The following STIMATE variants were observed in gnomAD, a reference collection of about 807,000 sequenced individuals.
STIMATE encodes store-operated calcium entry regulator STIMATE.
Under a neutral mutation model 36.7 loss-of-function variants are expected in STIMATE, and 15 were observed. The observed-to-expected ratio is 0.41, with a 90% confidence interval of 0.27 to 0.63. STIMATE has a LOEUF of 0.63. STIMATE is among the 20% of genes least tolerant of loss of function. The probability of loss-of-function intolerance (pLI) is 0.32; values close to 1 mark genes in which losing one functional copy is unlikely to be tolerated. For synonymous variants in STIMATE, 163 were observed against 162.3 expected, an observed-to-expected ratio of 1.00 and a Z score of -0.03; for missense variants, 305 against 397.3, an observed-to-expected ratio of 0.77 and a Z score of 1.98.
chr3:52,852,187 A>G (rs115009782), intron 3 of STIMATE, among the ~76,000 whole-genome samples: 1,961 of 152,336 alleles, frequency 0.013, 46 homozygotes, highest in African/African-American at 0.045. Flanking sequence ...GAAGAGGTCA[A>G]TGAGGGTCAA....
intron 1 of STIMATE, among the ~76,000 whole-genome samples, chr3:52,867,497 C>A (rs1221429966): frequency 2.6e-5 from 4 of 152,202 alleles, no homozygotes; most frequent in Admixed American, 2.6e-4. Flanking sequence ...TCTTGTTCAT[C>A]CCTGGGGAAA....
Position 52,840,462 on chromosome 3 carries a change from G to C in STIMATE, c.*32C>G, listed in dbSNP as rs1024455443. ...ACCTCTGCACACCAGCGGCTGGCGG[G>C]GCCCTCCCGTCACCCCCAGCATGGG... On this transcript the variant is annotated 3_prime_UTR_variant, in exon 8 of 8. Transcript: ENST00000355083. 2 of 1,609,500 alleles carry C rather than the reference G, an allele frequency of 1.2e-6. No individual in the cohort carries two copies. Among genetic ancestry groups the C allele is most frequent in the African/African-American group, 1.3e-5 (1 of 74,846 alleles).
At chr3:52,868,227 C>A (rs1353885414) in intron 1 of STIMATE, among the ~76,000 whole-genome samples, 1 of 152,196 alleles carries the variant, frequency 6.6e-6, no homozygotes, top group Non-Finnish European at 1.5e-5. Context: ...GGCTGCTTCC[C>A]AAATCCATTC....
intron 3 of STIMATE, 23 bp downstream of exon 3, chr3:52,852,580 G>A: frequency 6.2e-7 from 1 of 1,612,054 alleles, no homozygotes; most frequent in Non-Finnish European, 8.5e-7. Flanking sequence ...GCTGATGTTT[G>A]CACTCAAATA....
chr3:52,876,515 T>C (rs2106711492), intron 1 of STIMATE, among the ~76,000 whole-genome samples: 2 of 152,236 alleles, frequency 1.3e-5, no homozygotes, highest in South Asian at 4.1e-4. Flanking sequence ...TATACACGGA[T>C]TTTCTCCCAT....
At chr3:52,843,098 G>A (rs1202581145) in intron 6 of STIMATE, 138 bp from the exon 7 acceptor site, 3 of 1,410,528 alleles carry the variant, frequency 2.1e-6, no homozygotes, top group Non-Finnish European at 2.8e-6. Flanking sequence ...CAATCACCCT[G>A]CTCTCTCCCA....
intron 3 of STIMATE, among the ~76,000 whole-genome samples, chr3:52,850,332 T>C (rs1161725300): frequency 1.3e-5 from 2 of 152,066 alleles, no homozygotes; most frequent in Admixed American, 1.3e-4. Flanking sequence ...CTCGGGGGGC[T>C]GAGGCAGGGG....
chr3:52,857,578 ATGTCCT>A (rs1274986002), intron 1 of STIMATE, among the ~76,000 whole-genome samples: 1 of 152,160 alleles, frequency 6.6e-6, no homozygotes, highest in Non-Finnish European at 1.5e-5. Context: ...CTTGAGGGGC[ATGTCCT>A]TGTTCCTAGG....
In STIMATE at chr3:52,836,857, A is replaced by G; in HGVS notation, c.*3637T>C. 3.8e-6 allele frequency: 1 copy of G among 262,280 alleles called. No individual in the cohort carries two copies. Among genetic ancestry groups the G allele is most frequent in the Non-Finnish European group, 7.8e-6 (1 of 127,618 alleles). The allele number at this position is 262,280 out of a possible 1,614,324, so 16.2% of individuals were successfully genotyped here. A position where few individuals can be genotyped will look rare whatever the true frequency, so the allele number is the denominator to read the frequency against. On this transcript the variant is annotated 3_prime_UTR_variant, in exon 8 of 8. Coordinates refer to ENST00000355083, the MANE Select transcript of STIMATE (RefSeq NM_198563.5). The stretch of plus-strand genomic sequence containing the variant: ...CCATGAATCCTACCACCACCGATTA[A>G]GCACCCCCACTGGATGGCTGCTGAA...
intron 1 of STIMATE, among the ~76,000 whole-genome samples, chr3:52,883,089 G>A (rs1238488800): frequency 6.6e-6 from 1 of 152,192 alleles, no homozygotes; most frequent in Non-Finnish European, 1.5e-5. Context: ...ACTTACAAAG[G>A]GGCCAAGGAG....
intron 1 of STIMATE, among the ~76,000 whole-genome samples, chr3:52,872,922 G>A (rs987263997): frequency 3.3e-5 from 5 of 152,138 alleles, no homozygotes; most frequent in Admixed American, 6.5e-5. Flanking sequence ...CACCACGCCC[G>A]GCAACCATAT....
At chr3:52,852,494 C>G (rs1701021955) in intron 3 of STIMATE, 109 bp downstream of exon 3, 12 of 1,350,328 alleles carry the variant, frequency 8.9e-6, no homozygotes, top group Non-Finnish European at 1.2e-5. Flanking sequence ...AAAAGGGGAG[C>G]ACCCTCTCCC....
At chr3:52,844,535 T>C (rs940081135) in intron 5 of STIMATE, among the ~76,000 whole-genome samples, 2 of 152,288 alleles carry the variant, frequency 1.3e-5, no homozygotes, top group Non-Finnish European at 2.9e-5. Flanking sequence ...TGTAGAAACA[T>C]GTATTGTCGC....
intron 6 of STIMATE, 58 bp from the exon 7 acceptor site, chr3:52,843,018 G>C: frequency 1.2e-6 from 2 of 1,609,010 alleles, no homozygotes; most frequent in Non-Finnish European, 1.7e-6. Flanking sequence ...AAGCAAAGCC[G>C]AACAGCCCCC....
intron 4 of STIMATE, among the ~76,000 whole-genome samples, chr3:52,846,115 A>T (rs1391825115): frequency 6.6e-6 from 1 of 152,194 alleles, no homozygotes; most frequent in East Asian, 1.9e-4. Flanking sequence ...ACACAAGGGA[A>T]TGACTTTATG....
At chr3:52,844,795 G>A in intron 5 of STIMATE, 34 bp downstream of exon 5, 1 of 1,608,628 alleles carries the variant, frequency 6.2e-7, no homozygotes. Context: ...TGCTCAGCGT[G>A]GCAAGGAGCT....
chr3:52,880,279 G>A (rs546296854), intron 1 of STIMATE, among the ~76,000 whole-genome samples: 2 of 152,350 alleles, frequency 1.3e-5, no homozygotes, highest in African/African-American at 4.8e-5. Flanking sequence ...CCACCTGCAG[G>A]AGACTTAGCT....
At chr3:52,883,573 C>T (rs1354831805) in intron 1 of STIMATE, among the ~76,000 whole-genome samples, 2 of 152,142 alleles carry the variant, frequency 1.3e-5, no homozygotes, top group East Asian at 1.9e-4. Context: ...TCCAATTACA[C>T]GTTAGACCTT....
chr3:52,871,995 G>A (rs970252204), intron 1 of STIMATE, among the ~76,000 whole-genome samples: 2 of 151,940 alleles, frequency 1.3e-5, no homozygotes, highest in African/African-American at 2.4e-5. Flanking sequence ...TGGCTCATGC[G>A]GCACCTTCCG....
Sources: allele counts gnomAD v4.1 joint callset (sites outside exome capture counted in the v4.1 genomes callset), GRCh38; gene constraint gnomAD v4.1.1; transcripts MANE v1.5; gene names NCBI Gene and HGNC (gene_info 2026-07-23, HGNC 2026-07-21).